The following CACNA1E variants were observed in gnomAD, a reference collection of about 807,000 sequenced individuals.
CACNA1E encodes the protein voltage-dependent R-type calcium channel subunit alpha-1E.
In CACNA1E, 40 loss-of-function variants were observed where a neutral mutation model predicts 259.2. The ratio of observed to expected loss-of-function variants is 0.15; its 90% confidence interval spans 0.12 to 0.20. CACNA1E has a LOEUF of 0.20. CACNA1E is among the 10% of genes least tolerant of loss of function. CACNA1E has a pLI of 1.00. For synonymous variants in CACNA1E, 1,104 were observed against 1,138.5 expected (o/e 0.97, Z 0.61); for missense variants, 1,874 against 3,040.1 (o/e 0.62, Z 9.02).
At chr1:181,400,113 T>C (rs1656986651) in intron 1 of CACNA1E, among the ~76,000 whole-genome samples, 1 of 152,154 alleles carries the variant, frequency 6.6e-6, no homozygotes, top group South Asian at 2.1e-4. Context: ...CCACCAGGGG[T>C]ACATCGTGAA....
At chr1:181,564,781 A>G (rs1321359894) in intron 3 of CACNA1E, among the ~76,000 whole-genome samples, 1 of 152,154 alleles carries the variant, frequency 6.6e-6, no homozygotes, top group African/African-American at 2.4e-5. Context: ...TGATCCATGG[A>G]CTGCAGAGTG....
At position 181,807,535 on chromosome 1, in the gene CACNA1E, C is replaced by G. The variant is rs562177482; in HGVS notation, c.*8701C>G. ...CAGGCCTCCATTTGATTTGCCACTCCGAGAACTGTCTGCTTCATTCTGCTT... is the reference window on the plus strand; with the variant it reads ...CAGGCCTCCATTTGATTTGCCACTCGGAGAACTGTCTGCTTCATTCTGCTT... On this transcript the variant is annotated 3_prime_UTR_variant, in exon 48 of 48. Coordinates refer to ENST00000367573, the MANE Select transcript of CACNA1E (RefSeq NM_001205293.3). 1 of 151,820 alleles carries G rather than the reference C, an allele frequency of 6.6e-6. No homozygotes were observed. The highest frequency in any genetic ancestry group is 1.9e-4 in the East Asian group (1 of 5,138). The allele number at this position is 151,820 out of a possible 1,614,324, so 9.4% of individuals were successfully genotyped here.
intron 1 of CACNA1E, among the ~76,000 whole-genome samples, chr1:181,408,373 A>T (rs1404502719): frequency 6.6e-6 from 1 of 152,206 alleles, no homozygotes; most frequent in Non-Finnish European, 1.5e-5. Flanking sequence ...GGGTGCATGG[A>T]CCATTATTTC....
intron 7 of CACNA1E, among the ~76,000 whole-genome samples, chr1:181,685,064 A>G (rs1285473691): frequency 6.6e-6 from 1 of 152,046 alleles, no homozygotes; most frequent in Non-Finnish European, 1.5e-5. Context: ...CTGACATTTG[A>G]AAGTATTATA....
rs184952773 is a variant in CACNA1E at position 181,639,855 on chromosome 1, A to G, written c.952-11483A>G. Among the ~76,000 whole-genome samples, 7 of 152,328 alleles carry G rather than the reference A, an allele frequency of 4.6e-5. No individual in the cohort carries two copies. The South Asian group carries it at 8.3e-4, about 18-fold the overall frequency. On this transcript the variant is annotated intron_variant, in intron 6 of 47. Transcript: ENST00000367573. ...AGCAGGAGAGTGAATAAGAGAGTAC[A>G]AATCATCACAAATCAAGAGATGAGT...
At chr1:181,654,103 A>G (rs207460732) in intron 7 of CACNA1E, among the ~76,000 whole-genome samples, 1 of 152,228 alleles carries the variant, frequency 6.6e-6, no homozygotes, top group African/African-American at 2.4e-5. Flanking sequence ...TGTATCTGCT[A>G]TTAGAGATAG....
At chr1:181,521,159 A>G (rs995107317) in intron 3 of CACNA1E, among the ~76,000 whole-genome samples, 3 of 152,172 alleles carry the variant, frequency 2.0e-5, no homozygotes, top group Non-Finnish European at 4.4e-5. Flanking sequence ...GGCCTCCAGC[A>G]CTGGAACAGT....
At chr1:181,536,238 T>G (rs2102756211) in intron 3 of CACNA1E, among the ~76,000 whole-genome samples, 1 of 152,308 alleles carries the variant, frequency 6.6e-6, no homozygotes, top group South Asian at 2.1e-4. Context: ...CCATTTTATC[T>G]ATTCTTTATT....
At chr1:181,791,298 C>T (rs1481408657) in intron 44 of CACNA1E, among the ~76,000 whole-genome samples, 3 of 152,104 alleles carry the variant, frequency 2.0e-5, no homozygotes, top group Non-Finnish European at 4.4e-5. Context: ...GGTGAAACCC[C>T]GTCTCTACTA....
At chr1:181,363,854 C>G (rs911790075) in intron 1 of CACNA1E, among the ~76,000 whole-genome samples, 9 of 152,206 alleles carry the variant, frequency 5.9e-5, no homozygotes, top group Admixed American at 5.9e-4. Flanking sequence ...GGAAGGGCAG[C>G]AACAGACTTC....
At chr1:181,555,785 A>G (rs950384640) in intron 3 of CACNA1E, among the ~76,000 whole-genome samples, 3 of 152,224 alleles carry the variant, frequency 2.0e-5, no homozygotes, top group African/African-American at 7.2e-5. Context: ...TGTTGTAATC[A>G]TATGTGCATG....
intron 1 of CACNA1E, among the ~76,000 whole-genome samples, chr1:181,411,373 T>C (rs1657830929): frequency 6.6e-6 from 1 of 152,168 alleles, no homozygotes; most frequent in Non-Finnish European, 1.5e-5. Context: ...TCAATGGCTT[T>C]GGACTCAACC....
In CACNA1E at chr1:181,781,333, G is replaced by T. The variant is rs704328; in HGVS notation, c.5268-94G>T. 0.41 allele frequency: 284,868 copies of T among 696,068 alleles called. 62,190 individuals carry two copies. The highest frequency in any genetic ancestry group is 0.46 in the Non-Finnish European group (174,792 of 376,700). 43.1% of individuals were successfully genotyped at this position (696,068 alleles called of 1,614,324 possible). On this transcript the variant is annotated intron_variant, in intron 38 of 47. Transcript: ENST00000367573. ...GAATGCCTATTCTCCTCTCCTATCT[G>T]TCTGCATCCTTCTCCCCACTTCCTT...
chr1:181,552,094 A>G (rs569140242), intron 3 of CACNA1E, among the ~76,000 whole-genome samples: 6 of 152,218 alleles, frequency 3.9e-5, no homozygotes, highest in Middle Eastern at 3.4e-3. Context: ...CCCATCCCCT[A>G]TATTTCTCCA....
intron 6 of CACNA1E, among the ~76,000 whole-genome samples, chr1:181,645,985 T>C (rs1236206928): frequency 6.6e-6 from 1 of 152,140 alleles, no homozygotes; most frequent in Non-Finnish European, 1.5e-5. Context: ...CAGGTATGTG[T>C]CTGTGAGGGA....
At chr1:181,420,270 A>C (rs931101013) in intron 2 of CACNA1E, among the ~76,000 whole-genome samples, 3 of 152,118 alleles carry the variant, frequency 2.0e-5, no homozygotes, top group Admixed American at 6.5e-5. Flanking sequence ...TGATGGGAGA[A>C]GGAGTACTTT....
intron 2 of CACNA1E, among the ~76,000 whole-genome samples, chr1:181,457,173 C>T (rs1034913371): frequency 6.6e-6 from 1 of 152,192 alleles, no homozygotes; most frequent in African/African-American, 2.4e-5. Context: ...TGATGGATAC[C>T]TTTCTTTCCA....
intron 3 of CACNA1E, among the ~76,000 whole-genome samples, chr1:181,568,585 T>G (rs1243908588): frequency 1.0e-5 from 1 of 99,014 alleles, no homozygotes; most frequent in Non-Finnish European, 2.1e-5. Context: ...TTCAGATCTG[T>G]TCATTCATTC....
At chr1:181,529,741 T>G (rs1434804348) in intron 3 of CACNA1E, among the ~76,000 whole-genome samples, 8 of 152,194 alleles carry the variant, frequency 5.3e-5, no homozygotes, top group Non-Finnish European at 5.9e-5. Flanking sequence ...GCAACACCTT[T>G]GTTTTGGCCA....
Sources: allele counts gnomAD v4.1 joint callset (sites outside exome capture counted in the v4.1 genomes callset), GRCh38; gene constraint gnomAD v4.1.1; transcripts MANE v1.5; gene names NCBI Gene and HGNC (gene_info 2026-07-23, HGNC 2026-07-21).